Variants in MICU1 observed in about 807,000 individuals in gnomAD.
MICU1 encodes calcium uptake protein 1, mitochondrial.
A neutral mutation model predicts 56.8 loss-of-function variants in MICU1; 45 were observed. The observed-to-expected ratio is 0.79, with a 90% CI of 0.62 to 1.02. MICU1 has a LOEUF of 1.02. MICU1 is among the 50% of genes least tolerant of loss of function. MICU1 has a pLI of 0.00. For missense variants in MICU1, 504 were observed against 587.1 expected, an observed-to-expected ratio of 0.86 and a Z score of 1.46; for synonymous variants, 186 against 195.1, an observed-to-expected ratio of 0.95 and a Z score of 0.39.
chr10:72,399,921 G>A (rs187693923), intron 10 of MICU1, among the ~76,000 whole-genome samples: 1 of 152,174 alleles, frequency 6.6e-6, no homozygotes, highest in Non-Finnish European at 1.5e-5. Context: ...CTGCGCCGCT[G>A]AACTCCGGCC....
chr10:72,375,666 G>T, intron 11 of MICU1, 117 bp downstream of exon 11: 1 of 887,064 alleles, frequency 1.1e-6, no homozygotes, highest in Non-Finnish European at 1.7e-6. Context: ...AGAAAGGTGG[G>T]TAGCTTGAAG....
chr10:72,540,313 C>T (rs1564925854), intron 4 of MICU1, among the ~76,000 whole-genome samples: 1 of 148,716 alleles, frequency 6.7e-6, no homozygotes. Context: ...TAACTTACTG[C>T]AAATATGCAC....
At chr10:72,550,472 C>T (rs779430757) in intron 4 of MICU1, among the ~76,000 whole-genome samples, 10 of 152,166 alleles carry the variant, frequency 6.6e-5, no homozygotes, top group Admixed American at 2.0e-4. Context: ...TGGCCCGTGA[C>T]GGTACAATCA....
chr10:72,560,696 C>T (rs996521251), intron 3 of MICU1, among the ~76,000 whole-genome samples: 7 of 151,798 alleles, frequency 4.6e-5, no homozygotes, highest in African/African-American at 1.7e-4. Flanking sequence ...ATGGTGAAAC[C>T]CCGTTTCTAC....
At chr10:72,454,933 T>G (rs1589236927) in intron 8 of MICU1, among the ~76,000 whole-genome samples, 1 of 152,248 alleles carries the variant, frequency 6.6e-6, no homozygotes, top group Middle Eastern at 3.4e-3. Flanking sequence ...ACCTAATAGA[T>G]CTCAGAGTTT....
chr10:72,603,855 C>T (rs5013010), intron 1 of MICU1, among the ~76,000 whole-genome samples: 2 of 151,948 alleles, frequency 1.3e-5, no homozygotes, highest in South Asian at 4.1e-4. Flanking sequence ...GTAAGGTGTA[C>T]ACTGGTTTGA....
rs146209858 is a variant in MICU1, at chr10:72,512,208, T to A, written c.538-3939A>T. On this transcript the variant is annotated intron_variant, in intron 5 of 11. Coordinates refer to ENST00000361114, the MANE Select transcript of MICU1 (RefSeq NM_001195518.2). ...CTTACTGCAATCTCTGCCTCCCAGG[T>A]TCAAGCAATTCCCCTGCCTCAGCCT... is the stretch of plus-strand genomic sequence containing the variant. 2.8e-3 allele frequency among the ~76,000 whole-genome samples: 409 copies of A among 146,168 alleles called. 1 individual carries two copies. Among genetic ancestry groups the A allele is most frequent in the African/African-American group, 0.01 (390 of 38,970 alleles).
At chr10:72,535,972 G>A (rs910032135) in intron 4 of MICU1, among the ~76,000 whole-genome samples, 7 of 152,086 alleles carry the variant, frequency 4.6e-5, no homozygotes, top group South Asian at 2.1e-4. Flanking sequence ...GTTAAACACC[G>A]CATGTTCTCA....
intron 5 of MICU1, among the ~76,000 whole-genome samples, chr10:72,529,546 T>TA (rs1839415124): frequency 1.3e-5 from 2 of 152,040 alleles, no homozygotes; most frequent in African/African-American, 2.4e-5. Context: ...TGTGACTTTA[T>TA]AAAAAAACAT....
At chr10:72,553,039 C>G (rs1449170730) in intron 3 of MICU1, among the ~76,000 whole-genome samples, 1 of 152,140 alleles carries the variant, frequency 6.6e-6, no homozygotes, top group Non-Finnish European at 1.5e-5. Context: ...GGAATTTTTT[C>G]AATGCTAACT....
intron 8 of MICU1, among the ~76,000 whole-genome samples, chr10:72,437,063 C>G (rs1294586322): frequency 6.6e-6 from 1 of 152,108 alleles, no homozygotes; most frequent in Non-Finnish European, 1.5e-5. Flanking sequence ...AAAGATACTC[C>G]TCGAGAAGAG....
intron 3 of MICU1, among the ~76,000 whole-genome samples, chr10:72,551,851 G>T (rs146889040): frequency 6.6e-6 from 1 of 151,988 alleles, no homozygotes; most frequent in Non-Finnish European, 1.5e-5. Flanking sequence ...GTCCAGGCTG[G>T]CCTCAAACTC....
rs949945725 is a variant in MICU1 at position 72,523,670 on chromosome 10, C to T, written c.537+10076G>A. 6 of 542,850 alleles carry T rather than the reference C, an allele frequency of 1.1e-5. No homozygotes were observed. In the African/African-American group the frequency reaches 1.2e-4, roughly 11 times the overall value. 33.6% of individuals were successfully genotyped at this position (542,850 alleles called of 1,614,324 possible). A position where few individuals can be genotyped will look rare whatever the true frequency, so the allele number is the denominator to read the frequency against. On this transcript the variant is annotated intron_variant, in intron 5 of 11. Transcript: ENST00000361114. The stretch of plus-strand genomic sequence containing the variant: ...CTTAATTTATATTTAATTACTACAA[C>T]TCAGTTTAATTTATATTTTTAAGAC...
At chr10:72,577,832 G>A (rs1023227627) in intron 1 of MICU1, among the ~76,000 whole-genome samples, 1 of 152,060 alleles carries the variant, frequency 6.6e-6, no homozygotes, top group Non-Finnish European at 1.5e-5. Context: ...CCATCAACAT[G>A]GATGAACTTT....
chr10:72,503,660 TAAGAAGCCACA>T (rs1867149528), intron 6 of MICU1, among the ~76,000 whole-genome samples: 1 of 151,966 alleles, frequency 6.6e-6, no homozygotes, highest in African/African-American at 2.4e-5. Context: ...AATAGGGAAA[TAAGAAGCCACA>T]TTATCTCTTC....
intron 7 of MICU1, among the ~76,000 whole-genome samples, chr10:72,476,764 A>T (rs1241188137): frequency 6.6e-6 from 1 of 152,188 alleles, no homozygotes; most frequent in Non-Finnish European, 1.5e-5. Flanking sequence ...GTCACCTACT[A>T]TAGTCAAAAA....
chr10:72,489,776 G>A (rs1441736791), intron 6 of MICU1, among the ~76,000 whole-genome samples: 1 of 152,056 alleles, frequency 6.6e-6, no homozygotes, highest in African/African-American at 2.4e-5. Flanking sequence ...AAAAAGCCAG[G>A]ACTTGTTAAA....
At chr10:72,388,203 G>A (rs1352531952) in intron 10 of MICU1, among the ~76,000 whole-genome samples, 1 of 152,204 alleles carries the variant, frequency 6.6e-6, no homozygotes, top group Non-Finnish European at 1.5e-5. Flanking sequence ...ACAGAGCACT[G>A]GTATACCAAT....
chr10:72,566,607 G>T (rs376503424), intron 2 of MICU1, 26 bp downstream of exon 2: 41 of 1,600,508 alleles, frequency 2.6e-5, no homozygotes, highest in Non-Finnish European at 3.1e-5. Context: ...GTATACGCAA[G>T]AACAAGATGG....
Sources: gnomAD v4.1 joint callset for allele counts (sites outside exome capture counted in the v4.1 genomes callset) on GRCh38, gnomAD v4.1.1 for gene constraint, MANE v1.5 for transcripts, NCBI Gene and HGNC (gene_info 2026-07-23, HGNC 2026-07-21) for gene names.